Variants in ZRANB3 observed in about 807,000 individuals in gnomAD.
ZRANB3 encodes the protein zinc finger RANBP2-type containing 3, also known as DNA annealing helicase and endonuclease ZRANB3.
In ZRANB3, 125 loss-of-function variants were observed where a neutral mutation model predicts 133.8. The ratio of observed to expected loss-of-function variants is 0.93; its 90% CI spans 0.81 to 1.08. The LOEUF (loss-of-function observed/expected upper bound fraction) is 1.08. Ranked by LOEUF, ZRANB3 falls within the 50% of genes least tolerant of loss-of-function variation. The pLI, the probability that ZRANB3 is intolerant of heterozygous loss-of-function variation, is 0.00. For missense variants in ZRANB3, 1,229 were observed against 1,275.5 expected (o/e 0.96, Z 0.56); for synonymous variants, 387 against 432.7 (o/e 0.89, Z 1.31).
At chr2:135,233,682 C>T (rs1573725106) in intron 12 of ZRANB3, among the ~76,000 whole-genome samples, 1 of 152,166 alleles carries the variant, frequency 6.6e-6, no homozygotes, top group Admixed American at 6.5e-5. Context: ...AATTTCATAT[C>T]CAGCCAAACT....
At chr2:135,485,467 A>T (rs762977769) in intron 2 of ZRANB3, among the ~76,000 whole-genome samples, 1 of 152,186 alleles carries the variant, frequency 6.6e-6, no homozygotes, top group Non-Finnish European at 1.5e-5. Flanking sequence ...CATACCTCCA[A>T]GATTTTGTGA....
At chr2:135,211,399 GGCGTGGTGGT>G (rs1170038793) in intron 17 of ZRANB3, among the ~76,000 whole-genome samples, 12 of 152,084 alleles carry the variant, frequency 7.9e-5, no homozygotes, top group African/African-American at 2.9e-4. Context: ...AAATTAGCTG[GGCGTGGTGGT>G]GCGCACCTGC....
Position 135,347,447 on chromosome 2 carries a change from C to T in ZRANB3, c.592-1812G>A, listed in dbSNP as rs556468353. ...AGCTGGGACTACAGGCGCCCACCACCGCGCCCGGCTAATTTTTTTGTATTT... is the reference window on the plus strand; with the variant it reads ...AGCTGGGACTACAGGCGCCCACCACTGCGCCCGGCTAATTTTTTTGTATTT... On this transcript the variant is annotated intron_variant, in intron 5 of 20. Transcript: ENST00000264159. Among the ~76,000 whole-genome samples, 9 of 152,234 alleles carry T rather than the reference C, an allele frequency of 5.9e-5. No homozygotes were observed. In the South Asian group the frequency reaches 6.2e-4, roughly 11 times the overall value.
intron 15 of ZRANB3, among the ~76,000 whole-genome samples, chr2:135,221,930 T>C (rs1408634374): frequency 6.6e-6 from 1 of 152,158 alleles, no homozygotes; most frequent in African/African-American, 2.4e-5. Flanking sequence ...CCTAGCCATC[T>C]CCTCCTAAAA....
At chr2:135,499,797 T>C (rs1037341487) in intron 2 of ZRANB3, among the ~76,000 whole-genome samples, 36 of 152,182 alleles carry the variant, frequency 2.4e-4, no homozygotes, top group African/African-American at 8.7e-4. Flanking sequence ...TGTTTAGCAG[T>C]GGTATGGTTT....
At chr2:135,509,820 C>G (rs892679869) in intron 1 of ZRANB3, among the ~76,000 whole-genome samples, 1 of 151,942 alleles carries the variant, frequency 6.6e-6, no homozygotes, top group African/African-American at 2.4e-5. Flanking sequence ...AGTTCTATTC[C>G]TTTTATTGTT....
At chr2:135,212,339 T>C (rs1368791893) in intron 17 of ZRANB3, among the ~76,000 whole-genome samples, 1 of 152,214 alleles carries the variant, frequency 6.6e-6, no homozygotes. Context: ...TGGGAAAGTA[T>C]TTCTGTGAAT....
chr2:135,509,726 A>T (rs1279809003), intron 1 of ZRANB3, among the ~76,000 whole-genome samples: 1 of 152,212 alleles, frequency 6.6e-6, no homozygotes, highest in Non-Finnish European at 1.5e-5. Context: ...CATTCTAGAC[A>T]TTTAAAACCT....
chr2:135,327,818 T>G (rs1683911496), intron 6 of ZRANB3, among the ~76,000 whole-genome samples: 1 of 152,156 alleles, frequency 6.6e-6, no homozygotes, highest in South Asian at 2.1e-4. Context: ...TGGCATAGTA[T>G]CATATATAAA....
intron 3 of ZRANB3, among the ~76,000 whole-genome samples, chr2:135,381,186 G>A (rs1686675199): frequency 6.6e-6 from 1 of 152,162 alleles, no homozygotes; most frequent in South Asian, 2.1e-4. Flanking sequence ...ATAGCAAACG[G>A]CACACCAGGA....
chr2:135,456,953 T>C (rs996548179), intron 2 of ZRANB3, among the ~76,000 whole-genome samples: 12 of 152,348 alleles, frequency 7.9e-5, no homozygotes, highest in Admixed American at 6.5e-4. Context: ...TCAATGGAAA[T>C]ATAATTCACT....
intron 6 of ZRANB3, among the ~76,000 whole-genome samples, chr2:135,329,867 G>A (rs1165843772): frequency 6.6e-6 from 1 of 152,116 alleles, no homozygotes; most frequent in African/African-American, 2.4e-5. Context: ...TCTGTTTTTG[G>A]TGTATAGGAA....
chr2:135,506,561 C>T (rs1328302811), intron 1 of ZRANB3, among the ~76,000 whole-genome samples: 2 of 152,026 alleles, frequency 1.3e-5, no homozygotes, highest in Admixed American at 6.6e-5. Flanking sequence ...ACACCATTAA[C>T]AAAATGTTTA....
intron 1 of ZRANB3, among the ~76,000 whole-genome samples, chr2:135,525,673 C>T (rs1411071078): frequency 6.6e-6 from 1 of 151,962 alleles, no homozygotes; most frequent in Non-Finnish European, 1.5e-5. Flanking sequence ...CATGGCGAAA[C>T]CCCGTCTCTA....
chr2:135,337,046 G>A (rs1558926072), intron 6 of ZRANB3, among the ~76,000 whole-genome samples: 3 of 152,060 alleles, frequency 2.0e-5, no homozygotes, highest in Non-Finnish European at 2.9e-5. Context: ...AAAAAGAAAC[G>A]TTTTACAACA....
At chr2:135,213,431 CA>C (rs750992979) in intron 17 of ZRANB3, among the ~76,000 whole-genome samples, 1 of 152,132 alleles carries the variant, frequency 6.6e-6, no homozygotes, top group Non-Finnish European at 1.5e-5. Flanking sequence ...ATGGTTATTC[CA>C]AATTACTGAG....
chr2:135,227,980 T>TA lies in ZRANB3; in HGVS notation c.1989dup (p.Lys664Ter). On this transcript the variant is annotated frameshift_variant, in exon 14 of 21. Transcript: ENST00000264159. LOFTEE classifies it high-confidence loss of function. ...TTCTGAGAATCATCCTTCTCGTTTT[T>TA]ATCCTGGATATGGTTGAGGCTATCT... 6.4e-7 allele frequency: 1 copy of TA among 1,552,050 alleles called. No individual in the cohort carries two copies. Among genetic ancestry groups the TA allele is most frequent in the Non-Finnish European group, 8.7e-7 (1 of 1,147,032 alleles).
intron 12 of ZRANB3, among the ~76,000 whole-genome samples, chr2:135,232,238 T>C (rs1425154278): frequency 1.3e-5 from 2 of 152,132 alleles, no homozygotes; most frequent in African/African-American, 4.8e-5. Context: ...GCAGTGAGGC[T>C]GGGGGAGGGG....
intron 2 of ZRANB3, among the ~76,000 whole-genome samples, chr2:135,415,832 T>C (rs1186610784): frequency 6.6e-6 from 1 of 152,146 alleles, no homozygotes; most frequent in Non-Finnish European, 1.5e-5. Flanking sequence ...TAATCCAGCA[T>C]ATAAACAGAA....
Sources: allele counts gnomAD v4.1 joint callset (sites outside exome capture counted in the v4.1 genomes callset), GRCh38; gene constraint gnomAD v4.1.1; transcripts MANE v1.5; gene names NCBI Gene and HGNC (gene_info 2026-07-23, HGNC 2026-07-21).